LUZP2: variants seen among roughly 807,000 people sequenced by gnomAD.
The protein encoded by LUZP2 is leucine zipper protein 2.
Under a neutral mutation model 51.6 loss-of-function variants are expected in LUZP2, and 52 were observed. That is an observed-to-expected ratio of 1.01 (90% CI 0.81 to 1.27). LUZP2 has a LOEUF of 1.27. Among genes scored for constraint, LUZP2 ranks in the 50% most tolerant of loss-of-function variants. LUZP2 has a pLI of 0.00. For synonymous variants in LUZP2, 154 were observed against 137.3 expected (o/e 1.12, Z -0.85); for missense variants, 436 against 395.4 (o/e 1.10, Z -0.87).
At position 24,962,083 on chromosome 11, in the gene LUZP2, T is replaced by C. The variant is rs562041087; in HGVS notation, c.523-14508T>C. ...GAATGTTGAATATTGGCCCCCACTCTCTTCTGGCTTGTAGAGTTTCTGCTG... is the reference window on the plus strand; with the variant it reads ...GAATGTTGAATATTGGCCCCCACTCCCTTCTGGCTTGTAGAGTTTCTGCTG... On this transcript the variant is annotated intron_variant, in intron 7 of 11. Transcript: ENST00000336930. 3.9e-5 allele frequency among the ~76,000 whole-genome samples: 6 copies of C among 152,256 alleles called. No individual in the cohort carries two copies. The East Asian group carries it at 9.7e-4, about 25-fold the overall frequency.
rs543291659 is a variant in LUZP2, at chr11:24,987,043, C to T, written c.765+3750C>T. Among the ~76,000 whole-genome samples, 61 of 151,826 alleles carry T rather than the reference C, an allele frequency of 4.0e-4. No individual in the cohort carries two copies. The South Asian group carries it at 0.01, about 25-fold the overall frequency. On this transcript the variant is annotated intron_variant, in intron 9 of 11. Coordinates refer to ENST00000336930, the MANE Select transcript of LUZP2 (RefSeq NM_001009909.4). Reference sequence around the variant, plus strand: ...AGACTCATCTTTCGTGTCTATTAAACGGAGATAATTACAGCACCAACCTTA... The same window carrying T: ...AGACTCATCTTTCGTGTCTATTAAATGGAGATAATTACAGCACCAACCTTA...
chr11:24,543,663 A>G (rs1157191277), intron 1 of LUZP2, among the ~76,000 whole-genome samples: 1 of 151,936 alleles, frequency 6.6e-6, no homozygotes, highest in African/African-American at 2.4e-5. Context: ...TCTACTAAAA[A>G]TACAGAAATT....
At chr11:25,038,992 C>T (rs1464953226) in intron 9 of LUZP2, among the ~76,000 whole-genome samples, 6 of 152,094 alleles carry the variant, frequency 3.9e-5, no homozygotes, top group Non-Finnish European at 5.9e-5. Context: ...AGCTCTTAGC[C>T]GCACAGCATC....
chr11:24,912,201 A>C (rs879320780), intron 6 of LUZP2, among the ~76,000 whole-genome samples: 219 of 76,434 alleles, frequency 2.9e-3, no homozygotes, highest in Admixed American at 5.5e-3. Flanking sequence ...CTTCCTCTTT[A>C]CCTCCCCCTT....
intron 1 of LUZP2, among the ~76,000 whole-genome samples, chr11:24,601,324 A>T (rs1853628217): frequency 6.6e-6 from 1 of 152,028 alleles, no homozygotes; most frequent in South Asian, 2.1e-4. Context: ...GCTGTGTGGT[A>T]CTCAATTTCT....
At chr11:24,578,998 A>G (rs1039772266) in intron 1 of LUZP2, among the ~76,000 whole-genome samples, 3 of 152,144 alleles carry the variant, frequency 2.0e-5, no homozygotes, top group Non-Finnish European at 4.4e-5. Context: ...TAATCTTTAT[A>G]GAAAAAATTT....
chr11:24,827,364 A>T (rs897314872), intron 5 of LUZP2, among the ~76,000 whole-genome samples: 19 of 152,216 alleles, frequency 1.2e-4, no homozygotes, highest in African/African-American at 4.6e-4. Context: ...ATATACTACA[A>T]AAAGATCACT....
chr11:24,958,825 G>GC lies in LUZP2; in HGVS notation c.523-17763dup, dbSNP rs1395603319. On this transcript the variant is annotated intron_variant, in intron 7 of 11. Coordinates refer to ENST00000336930, the MANE Select transcript of LUZP2 (RefSeq NM_001009909.4). ...TTGGTGTTTTAGACATGAAGTCCTTGCCCATGCCTATGTCCTGAATGGTAA... is the reference window on the plus strand; with the variant it reads ...TTGGTGTTTTAGACATGAAGTCCTTGCCCCATGCCTATGTCCTGAATGGTAA... Among the ~76,000 whole-genome samples the GC allele has an allele frequency of 4.6e-5, 7 of 152,244 alleles. No homozygotes were observed. In the East Asian group the frequency reaches 1.2e-3, roughly 25 times the overall value.
At chr11:25,016,234 T>A (rs140937297) in intron 9 of LUZP2, among the ~76,000 whole-genome samples, 1 of 152,094 alleles carries the variant, frequency 6.6e-6, no homozygotes, top group Non-Finnish European at 1.5e-5. Flanking sequence ...AGTGTGAAAT[T>A]TTAATGCACC....
At chr11:24,878,641 T>C (rs147754939) in intron 5 of LUZP2, among the ~76,000 whole-genome samples, 3 of 151,964 alleles carry the variant, frequency 2.0e-5, no homozygotes, top group Non-Finnish European at 4.4e-5. Flanking sequence ...TATTTTATTT[T>C]ATTTTTAATT....
chr11:24,929,336 T>A (rs1854376901), intron 7 of LUZP2, among the ~76,000 whole-genome samples: 1 of 152,122 alleles, frequency 6.6e-6, no homozygotes, highest in African/African-American at 2.4e-5. Context: ...TTTTCCAAAC[T>A]TTTTTATGTA....
chr11:24,498,894 G>A (rs1849907811), intron 1 of LUZP2, among the ~76,000 whole-genome samples: 1 of 152,138 alleles, frequency 6.6e-6, no homozygotes, highest in East Asian at 1.9e-4. Context: ...TTTAGACTGT[G>A]AACATCTCTA....
intron 1 of LUZP2, among the ~76,000 whole-genome samples, chr11:24,501,420 C>A (rs1423537995): frequency 6.6e-6 from 1 of 152,184 alleles, no homozygotes; most frequent in East Asian, 1.9e-4. Flanking sequence ...ACTTGACCTT[C>A]TAACTAAGAA....
chr11:25,029,608 G>A (rs1013799907), intron 9 of LUZP2, among the ~76,000 whole-genome samples: 6 of 151,660 alleles, frequency 4.0e-5, no homozygotes, highest in African/African-American at 1.5e-4. Flanking sequence ...ATGGTGGTGG[G>A]CACCTGTAAT....
chr11:24,705,571 A>C (rs972482073), intron 1 of LUZP2, among the ~76,000 whole-genome samples: 1 of 152,192 alleles, frequency 6.6e-6, no homozygotes, highest in Admixed American at 6.6e-5. Flanking sequence ...CACCATTTGA[A>C]GTAGCAATTT....
At chr11:24,674,515 G>C (rs1340133262) in intron 1 of LUZP2, among the ~76,000 whole-genome samples, 1 of 152,100 alleles carries the variant, frequency 6.6e-6, no homozygotes, top group African/African-American at 2.4e-5. Flanking sequence ...AAAGTAAATG[G>C]GAAGTCATGG....
intron 5 of LUZP2, among the ~76,000 whole-genome samples, chr11:24,808,351 T>A (rs1849914592): frequency 6.6e-6 from 1 of 152,158 alleles, no homozygotes; most frequent in African/African-American, 2.4e-5. Context: ...AGCTTCTGAC[T>A]GGATTTGCAA....
chr11:25,015,117 T>C (rs528224376), intron 9 of LUZP2, among the ~76,000 whole-genome samples: 1 of 152,320 alleles, frequency 6.6e-6, no homozygotes, highest in African/African-American at 2.4e-5. Context: ...TTAGAAAATG[T>C]TATTAATATT....
chr11:24,910,643 C>T (rs921056278), intron 6 of LUZP2, among the ~76,000 whole-genome samples: 1 of 152,188 alleles, frequency 6.6e-6, no homozygotes, highest in African/African-American at 2.4e-5. Context: ...TTGGGAACCT[C>T]CACCTACATT....
Sources: allele counts gnomAD v4.1 joint callset (sites outside exome capture counted in the v4.1 genomes callset), GRCh38; gene constraint gnomAD v4.1.1; transcripts MANE v1.5; gene names NCBI Gene and HGNC (gene_info 2026-07-23, HGNC 2026-07-21).